Variants in DIP2C observed in about 807,000 individuals in gnomAD.
The protein encoded by DIP2C is disco-interacting protein 2 homolog C.
In DIP2C, 33 loss-of-function variants were observed where a neutral mutation model predicts 192.4. That is an observed-to-expected ratio of 0.17 (90% confidence interval 0.13 to 0.23). The LOEUF is 0.23. Ranked by LOEUF, DIP2C falls within the 10% of genes least tolerant of loss-of-function variation. The pLI is 1.00. For synonymous variants in DIP2C, 979 were observed against 864.1 expected (o/e 1.13, Z -2.33); for missense variants, 1,537 against 2,110.1 (o/e 0.73, Z 5.32).
intron 17 of DIP2C, among the ~76,000 whole-genome samples, chr10:373,552 C>A (rs1373267376): frequency 6.6e-6 from 1 of 152,100 alleles, no homozygotes; most frequent in African/African-American, 2.4e-5. Context: ...GTCTGGGGTC[C>A]ACGGTCTAAA....
chr10:536,158 C>T (rs1382938357), intron 1 of DIP2C, among the ~76,000 whole-genome samples: 2 of 152,212 alleles, frequency 1.3e-5, no homozygotes, highest in African/African-American at 2.4e-5. Flanking sequence ...ATCCTTGCTA[C>T]CTCCTCCAGC....
intron 26 of DIP2C, among the ~76,000 whole-genome samples, chr10:346,621 C>T (rs1235402549): frequency 7.0e-6 from 1 of 142,556 alleles, no homozygotes; most frequent in Non-Finnish European, 1.5e-5. Context: ...GCATAGTTCT[C>T]CCGGGAACCC....
At chr10:279,145 C>T (rs925366768) in intron 36 of DIP2C, among the ~76,000 whole-genome samples, 13 of 152,222 alleles carry the variant, frequency 8.5e-5, no homozygotes, top group African/African-American at 3.1e-4. Context: ...TTGTGACTGC[C>T]GCATGCCTAT....
intron 3 of DIP2C, chr10:441,311 C>T (rs566404562): frequency 1.4e-5 from 4 of 285,648 alleles, no homozygotes; most frequent in East Asian, 1.7e-4. Flanking sequence ...GTCACACGTT[C>T]GAGCCTCCAA....
At chr10:422,345 A>C (rs760793817) in intron 5 of DIP2C, among the ~76,000 whole-genome samples, 3 of 152,132 alleles carry the variant, frequency 2.0e-5, no homozygotes, top group African/African-American at 7.2e-5. Context: ...AGTGATCCTA[A>C]CTTTGTGCTT....
chr10:481,222 G>A (rs1843583909), intron 2 of DIP2C, among the ~76,000 whole-genome samples: 1 of 152,024 alleles, frequency 6.6e-6, no homozygotes, highest in South Asian at 2.1e-4. Context: ...ACAGGCCAGG[G>A]CCAGCCAGCC....
Position 330,198 on chromosome 10 carries a change from A to G in DIP2C, c.3585-597T>C, listed in dbSNP as rs549001172. 4.2e-4 allele frequency among the ~76,000 whole-genome samples: 64 copies of G among 152,326 alleles called. No homozygotes were observed. The South Asian group carries it at 5.4e-3, about 13-fold the overall frequency. On this transcript the variant is annotated intron_variant, in intron 29 of 36. Transcript: ENST00000280886. ...AGGGTGAAAAAAAGACAATTATGGT[A>G]ATTAAAGTTAGTCACTCAATCTTTT... is the stretch of plus-strand genomic sequence containing the variant.
chr10:395,090 G>C (rs1006030054), intron 10 of DIP2C, among the ~76,000 whole-genome samples: 3 of 128,616 alleles, frequency 2.3e-5, no homozygotes, highest in South Asian at 3.2e-4. Flanking sequence ...TGGTGACCAC[G>C]AGGGCTGGGG....
chr10:623,237 G>T (rs1853982719), intron 1 of DIP2C, among the ~76,000 whole-genome samples: 1 of 151,746 alleles, frequency 6.6e-6, no homozygotes. Flanking sequence ...AGCCGGGCTG[G>T]CGAGGGAGGT....
chr10:331,173 T>C (rs990350475), intron 29 of DIP2C, among the ~76,000 whole-genome samples: 4 of 152,152 alleles, frequency 2.6e-5, no homozygotes, highest in Non-Finnish European at 5.9e-5. Flanking sequence ...CCTTGTTAAC[T>C]ACTATGCTAT....
intron 1 of DIP2C, among the ~76,000 whole-genome samples, chr10:506,320 A>G (rs533964544): frequency 1.3e-5 from 2 of 152,272 alleles, no homozygotes; most frequent in South Asian, 4.1e-4. Flanking sequence ...GCTGCATGAC[A>G]TCTTCTGAGA....
At chr10:618,765 G>A (rs1051041912) in intron 1 of DIP2C, among the ~76,000 whole-genome samples, 10 of 152,140 alleles carry the variant, frequency 6.6e-5, no homozygotes, top group African/African-American at 1.4e-4. Flanking sequence ...CCGTGACCTC[G>A]GTCCACACAG....
rs1362299404 is a variant in DIP2C, at chr10:651,390, T to A, written c.85+38104A>T. On this transcript the variant is annotated intron_variant, in intron 1 of 36. Transcript: ENST00000280886. The surrounding 1 kb of genome is among the most constrained non-coding windows in gnomAD (Gnocchi z 4.1). The stretch of plus-strand genomic sequence containing the variant: ...AGGTCCCAGGGAGGCCCCAGCAAAC[T>A]GTGGAACAACCAAACTCGTGACTGA... The A allele has an allele frequency of 4.3e-6, 3 of 700,726 alleles. No individual in the cohort carries two copies. The highest frequency in any genetic ancestry group is 7.8e-6 in the Non-Finnish European group (3 of 384,046). 43.4% of individuals were successfully genotyped at this position (700,726 alleles called of 1,614,324 possible).
intron 3 of DIP2C, among the ~76,000 whole-genome samples, chr10:472,117 G>A (rs531629774): frequency 6.6e-6 from 1 of 152,210 alleles, no homozygotes; most frequent in Non-Finnish European, 1.5e-5. Flanking sequence ...GTAAGAAAAA[G>A]AAAAAACTAT....
intron 15 of DIP2C, 81 bp downstream of exon 15, chr10:384,465 T>C: frequency 1.4e-6 from 2 of 1,408,768 alleles, no homozygotes; most frequent in Non-Finnish European, 2.0e-6. Flanking sequence ...CTGGAACTCC[T>C]GACCTCAGGT....
intron 1 of DIP2C, among the ~76,000 whole-genome samples, chr10:613,839 C>G (rs970354866): frequency 8.6e-5 from 13 of 151,866 alleles, no homozygotes; most frequent in African/African-American, 2.9e-4. Flanking sequence ...TCCACACACC[C>G]CTGCTTTGGT....
rs113319802 is a variant in DIP2C at position 436,995 on chromosome 10, T to A, written c.394+3876A>T. On this transcript the variant is annotated intron_variant, in intron 4 of 36. Transcript: ENST00000280886. ...GCTCCGCCTCCTGGATGTGGTAGGG[T>A]GGCCATGCTCCACCCACACCTGAGC... Among the ~76,000 whole-genome samples the A allele has an allele frequency of 5.6e-3, 665 of 119,734 alleles. 20 individuals are homozygous for A. The highest frequency in any genetic ancestry group is 0.021 in the African/African-American group (614 of 29,016). The allele number at this position is 119,734 out of a possible 152,430, so 78.6% of individuals were successfully genotyped here. A position where few individuals can be genotyped will look rare whatever the true frequency, so the allele number is the denominator to read the frequency against.
At chr10:628,219 C>T (rs1323491119) in intron 1 of DIP2C, among the ~76,000 whole-genome samples, 2 of 152,198 alleles carry the variant, frequency 1.3e-5, no homozygotes, top group African/African-American at 2.4e-5. Flanking sequence ...ACCTCTCAGG[C>T]TGAGATAACG....
At chr10:611,465 A>G (rs1041465196) in intron 1 of DIP2C, among the ~76,000 whole-genome samples, 2 of 152,186 alleles carry the variant, frequency 1.3e-5, no homozygotes, top group Admixed American at 1.3e-4. Context: ...CCTTTGCCAG[A>G]GCACAGACTG....
Sources: allele counts gnomAD v4.1 joint callset (sites outside exome capture counted in the v4.1 genomes callset), GRCh38; gene constraint gnomAD v4.1.1; non-coding constraint Gnocchi (gnomAD v3.1); transcripts MANE v1.5; gene names NCBI Gene and HGNC (gene_info 2026-07-23, HGNC 2026-07-21).